RGS9: variants seen among roughly 807,000 people sequenced by gnomAD.
The protein encoded by RGS9 is regulator of G protein signaling 9.
RGS9 carries 78 observed loss-of-function variants against 102.0 expected under a neutral mutation model. The observed-to-expected ratio is 0.76, with a 90% CI of 0.64 to 0.92. The LOEUF is 0.92. Ranked by LOEUF, RGS9 falls within the 40% of genes least tolerant of loss-of-function variation. The pLI is 0.00. For missense variants in RGS9, 833 were observed against 866.1 expected, an observed-to-expected ratio of 0.96 and a Z score of 0.48; for synonymous variants, 353 against 318.6, an observed-to-expected ratio of 1.11 and a Z score of -1.15.
At chr17:65,215,812 C>T (rs535395887) in intron 17 of RGS9, among the ~76,000 whole-genome samples, 18 of 152,226 alleles carry the variant, frequency 1.2e-4, no homozygotes, top group Non-Finnish European at 2.1e-4. Flanking sequence ...CCGCTGGCCT[C>T]GGCCTCCCAA....
At chr17:65,141,358 C>T (rs765937745) in intron 1 of RGS9, among the ~76,000 whole-genome samples, 9 of 152,320 alleles carry the variant, frequency 5.9e-5, no homozygotes, top group Admixed American at 3.3e-4. Context: ...GTACCACCAC[C>T]GCCCTTGGGA....
At position 65,148,063 on chromosome 17, in the gene RGS9, C is replaced by A. The variant is rs565516485; in HGVS notation, c.58-5359C>A. On this transcript the variant is annotated intron_variant, in intron 1 of 18. Transcript: ENST00000262406. ...AAAGTTCTTTATGTCTGTTGAGTAGCAACTCCCCAGTTTCCCTTCTCTCTA... is the reference window on the plus strand; with the variant it reads ...AAAGTTCTTTATGTCTGTTGAGTAGAAACTCCCCAGTTTCCCTTCTCTCTA... Among the ~76,000 whole-genome samples, 130 of 152,266 alleles carry A rather than the reference C, an allele frequency of 8.5e-4. 1 individual carries two copies. Among genetic ancestry groups the A allele is most frequent in the Admixed American group, 7.1e-3 (109 of 15,296 alleles).
At chr17:65,177,673 T>G in intron 8 of RGS9, 59 bp from the exon 9 acceptor site, 1 of 1,513,484 alleles carries the variant, frequency 6.6e-7, no homozygotes, top group Non-Finnish European at 9.2e-7. Flanking sequence ...AGACCCACAG[T>G]TAACCAGAAA....
At chr17:65,225,988 G>A (rs1376673950) in intron 18 of RGS9, among the ~76,000 whole-genome samples, 1 of 152,126 alleles carries the variant, frequency 6.6e-6, no homozygotes, top group East Asian at 1.9e-4. Context: ...TCTCTTAGAG[G>A]GACTTTCAGG....
Position 65,190,221 on chromosome 17 carries a change from C to T in RGS9, c.731C>T (p.Ser244Phe). 6.2e-7 allele frequency: 1 copy of T among 1,613,456 alleles called. No individual in the cohort carries two copies. Among genetic ancestry groups the T allele is most frequent in the African/African-American group, 1.3e-5 (1 of 75,052 alleles). The change falls in exon 11 of 19, where the codon TCT becomes TTT. Residue 244 changes from serine to phenylalanine, a missense_variant. By Grantham distance (155) the Ser-to-Phe change is radical. Coordinates refer to ENST00000262406, the MANE Select transcript of RGS9 (RefSeq NM_003835.4). ...TTGATGAGGTCCACAGTGAAGTCTT[C>T]TGTGTCCCTGGGAGGGTATGTCCCT... ...QALMRSTVKS[S>F]VSLGGIVKYS...
intron 8 of RGS9, among the ~76,000 whole-genome samples, chr17:65,170,985 G>A (rs1277054965): frequency 6.6e-6 from 1 of 152,106 alleles, no homozygotes; most frequent in Admixed American, 6.6e-5. Context: ...GGAAGCCCCG[G>A]AGCTCACAGG....
chr17:65,211,673 A>G (rs1015820760), intron 17 of RGS9, among the ~76,000 whole-genome samples: 1 of 152,218 alleles, frequency 6.6e-6, no homozygotes, highest in African/African-American at 2.4e-5. Context: ...TTGTGCAAGA[A>G]TGCAACAGAG....
Position 65,225,158 on chromosome 17 carries a change from TG to T in RGS9, c.1565del (p.Cys522SerfsTer65), listed in dbSNP as rs768773906. ...RFIRRPSTTI[C>X]PSPIRVALES... ...CATCCGGCGACCCAGCACCACCATC[TG>T]CCCCTCACCCATCAGAGTGGCCTTG... On this transcript the variant is annotated frameshift_variant, in exon 18 of 19. Transcript: ENST00000262406. LOFTEE classifies it high-confidence loss of function. The T allele has an allele frequency of 6.2e-6, 10 of 1,613,592 alleles. No individual in the cohort carries two copies. The highest frequency in any genetic ancestry group is 8.5e-6 in the Non-Finnish European group (10 of 1,180,036).
At chr17:65,168,545 CTTTTTTTTT>C (rs5821624) in intron 8 of RGS9, among the ~76,000 whole-genome samples, 2 of 85,274 alleles carry the variant, frequency 2.3e-5, no homozygotes, top group Non-Finnish European at 4.7e-5. Context: ...AGGGCTGGGA[CTTTTTTTTT>C]TTTTTTTTTT....
chr17:65,156,417 G>T (rs1375368373), intron 2 of RGS9, among the ~76,000 whole-genome samples: 4 of 152,200 alleles, frequency 2.6e-5, no homozygotes, highest in Non-Finnish European at 4.4e-5. Flanking sequence ...GGGCGAGGTC[G>T]CCCATCCTGC....
At position 65,226,834 on chromosome 17, in the gene RGS9, C is replaced by T. The variant is rs375322576; in HGVS notation, c.1893-441C>T. On this transcript the variant is annotated intron_variant, in intron 18 of 18. Transcript: ENST00000262406. ...TTCGCCATTTTGGCCAGGCTGGTCT[C>T]GAACTCCTGACCTCAGGCGATCCGC... Among the ~76,000 whole-genome samples the T allele has an allele frequency of 1.6e-3, 237 of 152,130 alleles. 1 individual carries two copies. The highest frequency in any genetic ancestry group is 5.2e-3 in the African/African-American group (217 of 41,502).
chr17:65,172,962 G>A lies in RGS9; in HGVS notation c.582+4681G>A, dbSNP rs367625190. 2.7e-5 allele frequency among the ~76,000 whole-genome samples: 4 copies of A among 146,312 alleles called. No individual in the cohort carries two copies. The South Asian group carries it at 8.6e-4, about 32-fold the overall frequency. On this transcript the variant is annotated intron_variant, in intron 8 of 18. Transcript: ENST00000262406. The stretch of plus-strand genomic sequence containing the variant: ...TTTTGAGATGGAGTGTTGCCCTATT[G>A]CCCAGGCTGGAGTGCAATGGCGTGA...
intron 8 of RGS9, among the ~76,000 whole-genome samples, chr17:65,176,997 A>C (rs545931359): frequency 7.2e-6 from 1 of 139,016 alleles, no homozygotes; most frequent in African/African-American, 2.8e-5. Context: ...TTCGTACACC[A>C]TTCCATTCCT....
intron 2 of RGS9, among the ~76,000 whole-genome samples, chr17:65,155,875 G>C (rs1317761599): frequency 6.6e-6 from 1 of 152,142 alleles, no homozygotes; most frequent in Non-Finnish European, 1.5e-5. Flanking sequence ...AAAGTTAAGG[G>C]TAGATATGAC....
At chr17:65,203,640 G>A (rs987875558) in intron 14 of RGS9, among the ~76,000 whole-genome samples, 1 of 152,228 alleles carries the variant, frequency 6.6e-6, no homozygotes, top group Non-Finnish European at 1.5e-5. Flanking sequence ...GGCCAAGTTT[G>A]GTCTAATTGG....
At chr17:65,144,024 G>T (rs1910260041) in intron 1 of RGS9, among the ~76,000 whole-genome samples, 2 of 151,972 alleles carry the variant, frequency 1.3e-5, no homozygotes, top group East Asian at 3.9e-4. Flanking sequence ...CCAGGCTTTT[G>T]AATCGGTGGG....
intron 12 of RGS9, among the ~76,000 whole-genome samples, chr17:65,194,003 A>C (rs1397322100): frequency 6.6e-6 from 1 of 152,198 alleles, no homozygotes; most frequent in African/African-American, 2.4e-5. Flanking sequence ...TGCCAATCCC[A>C]AGGGCTACTC....
intron 9 of RGS9, among the ~76,000 whole-genome samples, chr17:65,186,209 T>TATTTATTTATTC (rs1555614379): frequency 1.4e-5 from 2 of 143,148 alleles, no homozygotes; most frequent in Non-Finnish European, 3.0e-5. Flanking sequence ...TTTATTTATT[T>TATTTATTTATTC]ATTCTGAGAT....
At position 65,227,306 on chromosome 17, in the gene RGS9, G is replaced by C. The variant is rs1905735132; in HGVS notation, c.1924G>C (p.Gly642Arg). The change falls in exon 19 of 19, where the codon GGG (glycine) becomes CGG (arginine). Residue 642 changes from glycine (G) to arginine (R), a missense_variant. Around this residue, in one of 3 missense-constraint regions of RGS9, gnomAD observed 320 missense variants for 276.8 expected, o/e 1.16. Transcript: ENST00000262406. Reference protein sequence around the residue: ...FFQIKMDVPTGSGTCLMDSED... With the variant: ...FFQIKMDVPTRSGTCLMDSED... ...CCAGATCAAAATGGATGTGCCCACGGGGAGCGGGACCTGCTTGATGGACTC... is the reference window on the plus strand; with the variant it reads ...CCAGATCAAAATGGATGTGCCCACGCGGAGCGGGACCTGCTTGATGGACTC... The C allele has an allele frequency of 6.2e-7, 1 of 1,614,168 alleles. No homozygotes were observed. Among genetic ancestry groups the C allele is most frequent in the Non-Finnish European group, 8.5e-7 (1 of 1,180,034 alleles).
Sources: allele counts gnomAD v4.1 joint callset (sites outside exome capture counted in the v4.1 genomes callset), GRCh38; gene constraint gnomAD v4.1.1; regional missense constraint gnomAD v4.1.1; transcripts MANE v1.5; gene names NCBI Gene and HGNC (gene_info 2026-07-23, HGNC 2026-07-21).